Variants in RAP1GAP2 observed in about 807,000 individuals in gnomAD.
The protein encoded by RAP1GAP2 is rap1 GTPase-activating protein 2.
In RAP1GAP2, 27 loss-of-function variants were observed where a neutral mutation model predicts 95.0. The ratio of observed to expected loss-of-function variants is 0.28; its 90% CI spans 0.21 to 0.39. RAP1GAP2 has a LOEUF of 0.39. RAP1GAP2 is among the 10% of genes least tolerant of loss of function. The pLI is 1.00. For synonymous variants in RAP1GAP2, 373 were observed against 380.9 expected, an observed-to-expected ratio of 0.98 and a Z score of 0.24; for missense variants, 771 against 970.0, an observed-to-expected ratio of 0.79 and a Z score of 2.72.
chr17:2,881,459 G>T (rs2073286731), intron 2 of RAP1GAP2, among the ~76,000 whole-genome samples: 1 of 152,162 alleles, frequency 6.6e-6, no homozygotes, highest in Non-Finnish European at 1.5e-5. Context: ...CCACATTGTA[G>T]CACGAATCCG....
chr17:3,011,609 G>GTTT lies in RAP1GAP2; in HGVS notation c.1494+3483_1494+3485dup, dbSNP rs555219792. 6.7e-4 allele frequency among the ~76,000 whole-genome samples: 73 copies of GTTT among 109,630 alleles called. 1 individual carries two copies. The highest frequency in any genetic ancestry group is 8.3e-4 in the East Asian group (3 of 3,600). The allele number at this position is 109,630 out of a possible 152,430, so 71.9% of individuals were successfully genotyped here. ...CAGGCCTTTATCTCTTCCTGTCAAA[G>GTTT]TTTTTTTTTTTTTTTTTTTTTGAGA... On this transcript the variant is annotated intron_variant, in intron 17 of 24. Coordinates refer to ENST00000254695, the MANE Select transcript of RAP1GAP2 (RefSeq NM_015085.5).
At chr17:2,883,712 C>G (rs1011422615) in intron 2 of RAP1GAP2, among the ~76,000 whole-genome samples, 2 of 152,176 alleles carry the variant, frequency 1.3e-5, no homozygotes, top group African/African-American at 4.8e-5. Context: ...GGCTTTTGAG[C>G]TCTGGGCATG....
chr17:2,823,919 C>T (rs188365794), intron 2 of RAP1GAP2, among the ~76,000 whole-genome samples: 9 of 150,508 alleles, frequency 6.0e-5, no homozygotes, highest in Non-Finnish European at 1.2e-4. Flanking sequence ...GTCAGGAGAT[C>T]GAGACCATCC....
At chr17:2,916,299 T>C (rs2042564637) in intron 3 of RAP1GAP2, among the ~76,000 whole-genome samples, 1 of 151,840 alleles carries the variant, frequency 6.6e-6, no homozygotes, top group Admixed American at 6.6e-5. Context: ...TTGGCTCCCG[T>C]GGCAGATACT....
chr17:2,953,477 T>C (rs2043988807), intron 3 of RAP1GAP2, among the ~76,000 whole-genome samples: 1 of 152,246 alleles, frequency 6.6e-6, no homozygotes, highest in Non-Finnish European at 1.5e-5. Flanking sequence ...TGTTGCTGTC[T>C]TTTTGAATGA....
chr17:2,869,958 G>A (rs2072774580), intron 2 of RAP1GAP2, among the ~76,000 whole-genome samples: 1 of 152,140 alleles, frequency 6.6e-6, no homozygotes. Context: ...CAATGTGGAT[G>A]CCCTCTGTGA....
At chr17:2,938,413 G>A (rs1015387582) in intron 3 of RAP1GAP2, among the ~76,000 whole-genome samples, 3 of 151,972 alleles carry the variant, frequency 2.0e-5, no homozygotes, top group African/African-American at 7.3e-5. Flanking sequence ...GAACAGAACC[G>A]AGGGCCCTGG....
intron 16 of RAP1GAP2, 83 bp from the exon 17 acceptor site, chr17:3,007,928 G>A: frequency 6.7e-7 from 1 of 1,496,524 alleles, no homozygotes; most frequent in South Asian, 1.2e-5. Context: ...CAGCCTCCAG[G>A]CCAGGTGTCT....
chr17:2,996,150 G>C (rs2045954579), intron 13 of RAP1GAP2, among the ~76,000 whole-genome samples: 1 of 151,964 alleles, frequency 6.6e-6, no homozygotes, highest in African/African-American at 2.4e-5. Flanking sequence ...CCCACCCCCA[G>C]CCTTCCTCAT....
At chr17:3,031,026 C>T (rs899542274) in intron 23 of RAP1GAP2, 28 bp downstream of exon 23, 6 of 1,561,130 alleles carry the variant, frequency 3.8e-6, no homozygotes, top group Non-Finnish European at 5.2e-6. Flanking sequence ...ACACCCCACA[C>T]TCCACTTTCT....
intron 3 of RAP1GAP2, among the ~76,000 whole-genome samples, chr17:2,917,126 G>C (rs1157102153): frequency 1.3e-5 from 2 of 152,190 alleles, no homozygotes; most frequent in African/African-American, 4.8e-5. Flanking sequence ...GCCTGCCACA[G>C]GGGCGATTAA....
At position 3,020,507 on chromosome 17, in the gene RAP1GAP2, C is replaced by T. The variant is rs771365418; in HGVS notation, c.1663C>T (p.Gln555Ter). ...PPVVAATVKN[Q>*]SRSPIKRRSG... Reference sequence around the variant, plus strand: ...AGTGGTGGCGGCAACGGTGAAGAACCAGTCACGGAGTCCCATCAAGCGACG... The same window carrying T: ...AGTGGTGGCGGCAACGGTGAAGAACTAGTCACGGAGTCCCATCAAGCGACG... Residue 555 changes from glutamine to a stop codon, truncating the protein, a stop_gained, in exon 19 of 25, where the codon CAG (glutamine) becomes TAG (stop). Transcript: ENST00000254695. LOFTEE classifies it high-confidence loss of function. 6.2e-7 allele frequency: 1 copy of T among 1,613,902 alleles called. No homozygotes were observed.
At chr17:2,784,928 A>C (rs2068738984) in intron 1 of RAP1GAP2, among the ~76,000 whole-genome samples, 1 of 152,184 alleles carries the variant, frequency 6.6e-6, no homozygotes, top group Non-Finnish European at 1.5e-5. Flanking sequence ...AAAAATCAAG[A>C]TGGTGAGGCC....
Position 2,902,746 on chromosome 17 carries a change from A to G in RAP1GAP2, c.81-2538A>G, listed in dbSNP as rs577157316. 6.6e-6 allele frequency among the ~76,000 whole-genome samples: 1 copy of G among 152,186 alleles called. No homozygotes were observed. Among genetic ancestry groups the G allele is most frequent in the Admixed American group, 6.5e-5 (1 of 15,270 alleles). On this transcript the variant is annotated intron_variant, in intron 2 of 24. Coordinates refer to ENST00000254695, the MANE Select transcript of RAP1GAP2 (RefSeq NM_015085.5). This position sits in a 1 kb window ranked among gnomAD's most constrained non-coding sequence, Gnocchi z 4.1. Reference sequence around the variant, plus strand: ...GCCTCGCTTCCTAGAGACCGGCCCCAGGAGCTTATCCAGTGTCCAGTAGAG... The same window carrying G: ...GCCTCGCTTCCTAGAGACCGGCCCCGGGAGCTTATCCAGTGTCCAGTAGAG...
At position 2,825,316 on chromosome 17, in the gene RAP1GAP2, G is replaced by A. The variant is rs1336308070; in HGVS notation, c.80+24766G>A. 6.6e-6 allele frequency among the ~76,000 whole-genome samples: 1 copy of A among 152,124 alleles called. No homozygotes were observed. The highest frequency in any genetic ancestry group is 1.5e-5 in the Non-Finnish European group (1 of 68,026). On this transcript the variant is annotated intron_variant, in intron 2 of 24. Coordinates refer to ENST00000254695, the MANE Select transcript of RAP1GAP2 (RefSeq NM_015085.5). This position sits in a 1 kb window ranked among gnomAD's most constrained non-coding sequence, Gnocchi z 4.1. ...GGGTTGTTTTTGGCTCATGATTTGG[G>A]CAAGAGGAGGGAGAAGGGAAGAGAA...
intron 12 of RAP1GAP2, among the ~76,000 whole-genome samples, chr17:2,992,918 G>T (rs1033581517): frequency 1.3e-5 from 2 of 152,072 alleles, no homozygotes; most frequent in African/African-American, 4.8e-5. Flanking sequence ...ACTGTAAAAA[G>T]CGAGATAAAG....
chr17:2,934,412 G>A (rs1409884712), intron 3 of RAP1GAP2, among the ~76,000 whole-genome samples: 4 of 152,208 alleles, frequency 2.6e-5, no homozygotes, highest in Admixed American at 2.6e-4. Flanking sequence ...GATTACAGGC[G>A]TGAGCCACCG....
At chr17:2,957,731 T>A (rs1355797088) in intron 3 of RAP1GAP2, 28 bp from the exon 4 acceptor site, 1 of 1,604,298 alleles carries the variant, frequency 6.2e-7, no homozygotes, top group African/African-American at 1.3e-5. Context: ...GATCCCTGTC[T>A]TTCTGTCCCC....
chr17:2,946,088 G>A (rs976534194), intron 3 of RAP1GAP2, among the ~76,000 whole-genome samples: 1 of 152,162 alleles, frequency 6.6e-6, no homozygotes, highest in Non-Finnish European at 1.5e-5. Context: ...ACCGTGCCCG[G>A]CCTATTACAT....
Sources: gnomAD v4.1 joint callset for allele counts (sites outside exome capture counted in the v4.1 genomes callset) on GRCh38, gnomAD v4.1.1 for gene constraint, Gnocchi (gnomAD v3.1) non-coding constraint, MANE v1.5 for transcripts, NCBI Gene and HGNC (gene_info 2026-07-23, HGNC 2026-07-21) for gene names.